Variants in INSC observed in about 807,000 individuals in gnomAD.
INSC encodes the protein INSC spindle orientation adaptor protein, also known as protein inscuteable homolog.
A neutral mutation model predicts 58.6 loss-of-function variants in INSC; 67 were observed. The ratio of observed to expected loss-of-function variants is 1.14; its 90% confidence interval spans 0.94 to 1.40. INSC has a LOEUF of 1.40. Ranked by LOEUF, INSC falls within the 40% of genes most tolerant of loss-of-function variation. The probability of loss-of-function intolerance (pLI) is 0.00; values close to 1 mark genes in which losing one functional copy is unlikely to be tolerated. For missense variants in INSC, 714 were observed against 692.0 expected (o/e 1.03, Z -0.36); for synonymous variants, 262 against 276.1 (o/e 0.95, Z 0.51).
rs759386057 is a variant in INSC, at chr11:15,135,688, A to G, written c.-45-13442A>G. ...TTGTTTCTTCTGGGTCAATTTTACT[A>G]ATCACAGAAAATGTCTTAGTGTTTT... On this transcript the variant is annotated intron_variant, in intron 1 of 12. Coordinates refer to ENST00000379556, the MANE Select transcript of INSC (RefSeq NM_001042536.3). 2.6e-5 allele frequency among the ~76,000 whole-genome samples: 4 copies of G among 152,352 alleles called. No homozygotes were observed. In the East Asian group the frequency reaches 7.7e-4, roughly 29 times the overall value.
At chr11:15,148,895 T>C (rs748971080) in intron 1 of INSC, among the ~76,000 whole-genome samples, 11 of 152,202 alleles carry the variant, frequency 7.2e-5, no homozygotes, top group Non-Finnish European at 1.2e-4. Context: ...GCAATTGGAA[T>C]AAGAAAATAT....
intron 7 of INSC, among the ~76,000 whole-genome samples, chr11:15,202,614 A>C (rs1475040030): frequency 6.6e-6 from 1 of 152,192 alleles, no homozygotes; most frequent in Non-Finnish European, 1.5e-5. Context: ...GATAGTGTAC[A>C]AACGACCAAA....
chr11:15,268,474 T>G, the INSC span, among the ~76,000 whole-genome samples: 2 of 152,214 alleles, frequency 1.3e-5, no homozygotes, highest in East Asian at 3.9e-4. Flanking sequence ...GAAGGATCAT[T>G]AACTGTTTTC....
chr11:15,158,860 G>GTATTTTTTTTT, intron 2 of INSC, among the ~76,000 whole-genome samples: 1 of 109,706 alleles, frequency 9.1e-6, no homozygotes, highest in Non-Finnish European at 1.8e-5. Context: ...ATTGTTGGTG[G>GTATTTTTTTTT]TTTTTTTTTT....
chr11:15,186,614 A>T (rs570346120), intron 5 of INSC, among the ~76,000 whole-genome samples: 6 of 152,320 alleles, frequency 3.9e-5, no homozygotes, highest in African/African-American at 1.2e-4. Flanking sequence ...GTATTTTCCC[A>T]TCTGACCAGT....
At chr11:15,183,074 G>A (rs866449465) in intron 5 of INSC, among the ~76,000 whole-genome samples, 12 of 152,120 alleles carry the variant, frequency 7.9e-5, no homozygotes, top group African/African-American at 2.7e-4. Context: ...TTGGCTGGGT[G>A]TGGCGACTCA....
intron 1 of INSC, among the ~76,000 whole-genome samples, chr11:15,146,096 A>G (rs899109137): frequency 6.6e-6 from 1 of 152,252 alleles, no homozygotes; most frequent in East Asian, 1.9e-4. Flanking sequence ...TATATGAAGC[A>G]TTTAGAACAG....
intron 7 of INSC, among the ~76,000 whole-genome samples, chr11:15,219,937 G>T (rs532803116): frequency 2.0e-4 from 31 of 152,264 alleles, no homozygotes; most frequent in African/African-American, 6.7e-4. Flanking sequence ...TAAACACCTG[G>T]CATGAGTCCA....
At chr11:15,231,900 G>A (rs924270223) in intron 9 of INSC, among the ~76,000 whole-genome samples, 8 of 152,186 alleles carry the variant, frequency 5.3e-5, no homozygotes, top group Non-Finnish European at 1.2e-4. Flanking sequence ...CTGAGACACT[G>A]CTAGGATGTG....
At chr11:15,192,381 T>G (rs545520394) in intron 6 of INSC, among the ~76,000 whole-genome samples, 1 of 152,346 alleles carries the variant, frequency 6.6e-6, no homozygotes, top group Non-Finnish European at 1.5e-5. Flanking sequence ...CATTCCACAC[T>G]CAATTCTGTA....
intron 9 of INSC, among the ~76,000 whole-genome samples, chr11:15,227,321 G>C (rs1235616671): frequency 6.6e-6 from 1 of 152,286 alleles, no homozygotes; most frequent in East Asian, 1.9e-4. Flanking sequence ...AGGCTCCTGG[G>C]TGTTGGGTTT....
chr11:15,230,013 A>ATATTTT (rs1491490993), intron 9 of INSC, among the ~76,000 whole-genome samples: 7 of 23,866 alleles, frequency 2.9e-4, no homozygotes, highest in African/African-American at 1.0e-3. Context: ...ATATATATAT[A>ATATTTT]ATATATATAT....
At chr11:15,229,191 T>C (rs1218697296) in intron 9 of INSC, among the ~76,000 whole-genome samples, 1 of 152,198 alleles carries the variant, frequency 6.6e-6, no homozygotes, top group East Asian at 1.9e-4. Context: ...TGACTTTTTG[T>C]GGCCTTCAGG....
At chr11:15,165,348 C>T (rs1849158357) in intron 2 of INSC, among the ~76,000 whole-genome samples, 1 of 152,110 alleles carries the variant, frequency 6.6e-6, no homozygotes, top group South Asian at 2.1e-4. Context: ...GAGTATTACC[C>T]ATCAGGCAGT....
chr11:15,256,747 C>G, the INSC span, among the ~76,000 whole-genome samples: 1 of 152,118 alleles, frequency 6.6e-6, no homozygotes, highest in Non-Finnish European at 1.5e-5. Flanking sequence ...TTCGGCCTCT[C>G]AAAGTGCTGG....
At chr11:15,229,975 TA>T (rs1229884379) in intron 9 of INSC, among the ~76,000 whole-genome samples, 2 of 14,006 alleles carry the variant, frequency 1.4e-4, no homozygotes, top group African/African-American at 1.9e-4. Flanking sequence ...TATATATATA[TA>T]TATTATATAT....
intron 2 of INSC, among the ~76,000 whole-genome samples, chr11:15,172,734 C>T (rs114436752): frequency 0.014 from 2,154 of 152,090 alleles, 50 homozygotes; most frequent in African/African-American, 0.049. Flanking sequence ...GTGGTATGTT[C>T]GGGAAATGGG....
chr11:15,266,385 G>T, the INSC span, among the ~76,000 whole-genome samples: 1 of 151,902 alleles, frequency 6.6e-6, no homozygotes, highest in Non-Finnish European at 1.5e-5. Context: ...CAACTTTAAG[G>T]TCACTTATTA....
At chr11:15,233,084 C>T (rs541944343) in intron 9 of INSC, among the ~76,000 whole-genome samples, 1 of 152,278 alleles carries the variant, frequency 6.6e-6, no homozygotes, top group East Asian at 1.9e-4. Flanking sequence ...AAGATCATAG[C>T]AAAATGTGAT....
Sources: gnomAD v4.1 joint callset for allele counts (sites outside exome capture counted in the v4.1 genomes callset) on GRCh38, gnomAD v4.1.1 for gene constraint, MANE v1.5 for transcripts, NCBI Gene and HGNC (gene_info 2026-07-23, HGNC 2026-07-21) for gene names.